PCSK5: variants seen among roughly 807,000 people sequenced by gnomAD.
The protein encoded by PCSK5 is proprotein convertase subtilisin/kexin type 5.
Under a neutral mutation model 233.2 loss-of-function variants are expected in PCSK5, and 129 were observed. The ratio of observed to expected loss-of-function variants is 0.55; its 90% CI spans 0.48 to 0.64. The LOEUF (loss-of-function observed/expected upper bound fraction) is 0.64, where lower values mean the gene tolerates loss of function less well. Ranked by LOEUF, PCSK5 falls within the 30% of genes least tolerant of loss-of-function variation. The pLI is 0.00. For missense variants in PCSK5, 2,076 were observed against 2,430.1 expected (o/e 0.85, Z 3.06); for synonymous variants, 825 against 879.2 (o/e 0.94, Z 1.09).
intron 7 of PCSK5, among the ~76,000 whole-genome samples, chr9:76,089,874 C>T (rs1323276918): frequency 6.6e-6 from 1 of 152,056 alleles, no homozygotes; most frequent in Non-Finnish European, 1.5e-5. Context: ...ACAAGGAAAT[C>T]CAATTCTTTT....
chr9:76,334,339 T>TC (rs1232389937), intron 34 of PCSK5, among the ~76,000 whole-genome samples: 47 of 152,248 alleles, frequency 3.1e-4, no homozygotes, highest in African/African-American at 1.1e-3. Context: ...ATATGCCTCT[T>TC]CCCAAGAAAA....
At chr9:76,330,178 C>A (rs548616850) in intron 33 of PCSK5, among the ~76,000 whole-genome samples, 41 of 152,220 alleles carry the variant, frequency 2.7e-4, no homozygotes, top group Non-Finnish European at 3.8e-4. Flanking sequence ...ATTAAGAAAT[C>A]CCTCTTGAGC....
At chr9:75,891,539 ACACAC>A (rs1825601098) in intron 1 of PCSK5, among the ~76,000 whole-genome samples, 166 bp downstream of exon 1, 1 of 147,864 alleles carries the variant, frequency 6.8e-6, no homozygotes, top group African/African-American at 2.5e-5. Flanking sequence ...ACGCACACAC[ACACAC>A]ACACACACAC....
intron 20 of PCSK5, among the ~76,000 whole-genome samples, chr9:76,223,499 C>G (rs1825793697): frequency 6.6e-6 from 1 of 152,192 alleles, no homozygotes; most frequent in Non-Finnish European, 1.5e-5. Context: ...CCACTTGTAA[C>G]TTTTTAAAAT....
intron 3 of PCSK5, among the ~76,000 whole-genome samples, chr9:75,987,122 A>T (rs1826549705): frequency 6.6e-6 from 1 of 152,184 alleles, no homozygotes; most frequent in Non-Finnish European, 1.5e-5. Context: ...TGAAAGAAGA[A>T]CATGAATCCA....
In PCSK5 at chr9:76,196,219, C is replaced by T. The variant is rs192685193; in HGVS notation, c.2626+6473C>T. Reference sequence around the variant, plus strand: ...GACCCCAGAACAGGGCCCACCTGGTCCCATTCTTCCTGTAGTGCGCAGCAC... The same window carrying T: ...GACCCCAGAACAGGGCCCACCTGGTTCCATTCTTCCTGTAGTGCGCAGCAC... On this transcript the variant is annotated intron_variant, in intron 20 of 37. Transcript: ENST00000674117. Among the ~76,000 whole-genome samples the T allele has an allele frequency of 8.1e-4, 123 of 152,320 alleles. 1 individual carries two copies. Among genetic ancestry groups the T allele is most frequent in the Non-Finnish European group, 3.5e-4 (24 of 68,026 alleles).
intron 28 of PCSK5, among the ~76,000 whole-genome samples, chr9:76,308,031 T>C (rs904491190): frequency 3.9e-5 from 6 of 151,952 alleles, no homozygotes; most frequent in Admixed American, 3.3e-4. Flanking sequence ...ACCCCGTCTC[T>C]ACTAAAAATA....
chr9:76,101,583 T>G (rs950536068), intron 8 of PCSK5, among the ~76,000 whole-genome samples: 1 of 152,158 alleles, frequency 6.6e-6, no homozygotes, highest in Non-Finnish European at 1.5e-5. Context: ...AGACTTTGAC[T>G]TTTTTCCCCC....
intron 5 of PCSK5, among the ~76,000 whole-genome samples, chr9:76,064,614 C>T (rs375974783): frequency 0.093 from 12,232 of 132,044 alleles, 549 homozygotes; most frequent in African/African-American, 0.16. Context: ...ACTTCTCAGA[C>T]GGGGCAGCTG....
Position 76,184,733 on chromosome 9 carries a change from GTA to G in PCSK5, c.2259_2260del (p.Thr754ArgfsTer3). ...AAGACATGTACTGAATTCCATAACT[GTA>G]CAGAATGTAGGGATGGGTTAAGGTA... is the stretch of plus-strand genomic sequence containing the variant. On this transcript the variant is annotated frameshift_variant, in exon 17 of 38. Transcript: ENST00000674117. LOFTEE classifies it high-confidence loss of function. 6.2e-7 allele frequency: 1 copy of G among 1,607,928 alleles called. No homozygotes were observed. The highest frequency in any genetic ancestry group is 8.5e-7 in the Non-Finnish European group (1 of 1,174,884).
intron 24 of PCSK5, among the ~76,000 whole-genome samples, chr9:76,246,582 C>T (rs1047902543): frequency 3.9e-5 from 6 of 152,096 alleles, no homozygotes; most frequent in African/African-American, 1.4e-4. Context: ...TAGGAATTTA[C>T]CCTGGTGACA....
At chr9:75,959,887 G>A (rs1490215643) in intron 2 of PCSK5, among the ~76,000 whole-genome samples, 4 of 152,242 alleles carry the variant, frequency 2.6e-5, no homozygotes, top group Non-Finnish European at 5.9e-5. Context: ...ATAGCTGCCT[G>A]TTGAGTGCTC....
chr9:76,107,212 T>C (rs374674714), intron 8 of PCSK5, 39 bp from the exon 9 acceptor site: 4 of 1,331,778 alleles, frequency 3.0e-6, no homozygotes, highest in East Asian at 2.3e-5. Context: ...GTGACTCACA[T>C]TGGCCTCAGA....
At chr9:75,999,959 A>G (rs968317124) in intron 3 of PCSK5, among the ~76,000 whole-genome samples, 2 of 152,240 alleles carry the variant, frequency 1.3e-5, no homozygotes, top group African/African-American at 2.4e-5. Context: ...TCTGCACAGC[A>G]AAAGAAACTA....
chr9:75,895,823 T>A (rs992405242), intron 1 of PCSK5, among the ~76,000 whole-genome samples: 1 of 152,244 alleles, frequency 6.6e-6, no homozygotes, highest in Non-Finnish European at 1.5e-5. Context: ...GGGAGAACTT[T>A]GTTCAGAGAT....
chr9:76,340,776 C>T (rs1489067024), intron 35 of PCSK5, among the ~76,000 whole-genome samples: 1 of 151,504 alleles, frequency 6.6e-6, no homozygotes, highest in Non-Finnish European at 1.5e-5. Flanking sequence ...TTATATTTTG[C>T]CTCTTTGACT....
chr9:75,948,487 C>G (rs183717433), intron 2 of PCSK5, among the ~76,000 whole-genome samples: 258 of 152,180 alleles, frequency 1.7e-3, no homozygotes, highest in Admixed American at 2.6e-3. Context: ...AGGACATGAA[C>G]TCATGTCCTT....
At chr9:76,225,237 C>T (rs1825852367) in intron 20 of PCSK5, among the ~76,000 whole-genome samples, 1 of 152,138 alleles carries the variant, frequency 6.6e-6, no homozygotes, top group Non-Finnish European at 1.5e-5. Flanking sequence ...CTTTGAGAAC[C>T]CACGAGTAGG....
Position 76,023,750 on chromosome 9 carries a change from A to G in PCSK5, c.424A>G (p.Asn142Asp). 6.2e-7 allele frequency: 1 copy of G among 1,612,050 alleles called. No individual in the cohort carries two copies. The highest frequency in any genetic ancestry group is 8.5e-7 in the Non-Finnish European group (1 of 1,178,810). ...CTTCTTCTTTCAGCACTGCAGTGAC[A>G]ATACACATCCCTGCCAGTCTGACAT... ...PSMWYMHCSD[N>D]THPCQSDMNI... The change falls in exon 4 of 38, where the codon AAT becomes GAT. Residue 142 changes from asparagine to aspartate, a missense_variant. By Grantham distance (23) the Asn-to-Asp change is conservative. Transcript: ENST00000674117.
Sources: allele counts gnomAD v4.1 joint callset (sites outside exome capture counted in the v4.1 genomes callset), GRCh38; gene constraint gnomAD v4.1.1; transcripts MANE v1.5; gene names NCBI Gene and HGNC (gene_info 2026-07-23, HGNC 2026-07-21).